The following NEBL variants were observed in gnomAD, a reference collection of about 807,000 sequenced individuals.
The protein encoded by NEBL is LIM and SH3 protein 2.
Under a neutral mutation model 140.2 loss-of-function variants are expected in NEBL, and 122 were observed. That is an observed-to-expected ratio of 0.87 (90% CI 0.75 to 1.01). NEBL has a LOEUF of 1.01. NEBL is among the 50% of genes least tolerant of loss of function. NEBL has a pLI of 0.00. For synonymous variants in NEBL, 436 were observed against 398.9 expected, an observed-to-expected ratio of 1.09 and a Z score of -1.11; for missense variants, 1,365 against 1,231.3, an observed-to-expected ratio of 1.11 and a Z score of -1.62.
chr10:21,171,349 AG>A (rs1408559493), intron 2 of NEBL, among the ~76,000 whole-genome samples: 3 of 91,790 alleles, frequency 3.3e-5, no homozygotes, highest in East Asian at 4.3e-4. Flanking sequence ...AAAAAAAAAA[AG>A]AAAAAAAAAA....
intron 26 of NEBL, among the ~76,000 whole-genome samples, chr10:20,790,090 G>A (rs1360630643): frequency 1.3e-5 from 2 of 151,976 alleles, no homozygotes; most frequent in African/African-American, 4.8e-5. Flanking sequence ...TTCTAAATGT[G>A]TATATGTTGC....
intron 2 of NEBL, among the ~76,000 whole-genome samples, chr10:21,123,217 T>A (rs1589257119): frequency 6.6e-6 from 1 of 152,228 alleles, no homozygotes; most frequent in African/African-American, 2.4e-5. Flanking sequence ...AGATTCTCAC[T>A]GTTCTAGATC....
At chr10:21,227,709 T>TC (rs1047795642) in intron 3 of NEBL, among the ~76,000 whole-genome samples, 6 of 82,414 alleles carry the variant, frequency 7.3e-5, no homozygotes, top group South Asian at 8.5e-4. Flanking sequence ...TTCTTCTTCT[T>TC]CTTTCTTCTT....
At chr10:20,950,948 T>G (rs1856762) in intron 4 of NEBL, among the ~76,000 whole-genome samples, 111,531 of 152,014 alleles carry the variant, frequency 0.73, 41,139 homozygotes, top group Admixed American at 0.82. Context: ...AAGGATGCAA[T>G]GATACAAAGC....
intron 3 of NEBL, among the ~76,000 whole-genome samples, chr10:20,981,780 T>TA (rs1158847955): frequency 6.6e-6 from 1 of 152,142 alleles, no homozygotes; most frequent in East Asian, 1.9e-4. Context: ...GACCATGAGG[T>TA]AAGCCTGCCT....
At chr10:21,246,703 G>A (rs927051344) in intron 3 of NEBL, among the ~76,000 whole-genome samples, 3 of 152,032 alleles carry the variant, frequency 2.0e-5, no homozygotes, top group Non-Finnish European at 4.4e-5. Flanking sequence ...GCGTGGTGGT[G>A]CATGCCTGTA....
At chr10:20,827,111 C>T (rs968540306) in intron 17 of NEBL, among the ~76,000 whole-genome samples, 1 of 152,136 alleles carries the variant, frequency 6.6e-6, no homozygotes, top group Non-Finnish European at 1.5e-5. Flanking sequence ...AAACCCAAAG[C>T]AGAACAAAAA....
At chr10:21,082,182 C>T (rs189392769) in intron 2 of NEBL, among the ~76,000 whole-genome samples, 7 of 152,106 alleles carry the variant, frequency 4.6e-5, no homozygotes, top group South Asian at 2.1e-4. Context: ...CACCAAGCAA[C>T]GAAGGAACTC....
chr10:21,140,815 G>A (rs894293337), intron 2 of NEBL, among the ~76,000 whole-genome samples: 4 of 152,036 alleles, frequency 2.6e-5, no homozygotes, highest in African/African-American at 9.7e-5. Flanking sequence ...AGGGGAGGGA[G>A]AGCATTAGGA....
intron 1 of NEBL, among the ~76,000 whole-genome samples, chr10:21,288,820 GTATATATATATATA>G (rs71392181): frequency 2.9e-5 from 1 of 35,026 alleles, no homozygotes; most frequent in African/African-American, 9.7e-5. Context: ...GTGTGTGTGT[GTATATATATATATA>G]TATATATATA....
chr10:20,908,091 C>G (rs962691806), intron 4 of NEBL, among the ~76,000 whole-genome samples: 1 of 152,178 alleles, frequency 6.6e-6, no homozygotes, highest in African/African-American at 2.4e-5. Context: ...AAAGGATGAT[C>G]ACTGCATGCC....
chr10:21,135,434 T>TAA (rs35676602), intron 2 of NEBL, among the ~76,000 whole-genome samples: 5 of 134,922 alleles, frequency 3.7e-5, no homozygotes, highest in East Asian at 4.2e-4. Flanking sequence ...TCAGTGGAGA[T>TAA]AAAAAAAAAA....
chr10:21,285,113 G>A (rs1304398354), intron 1 of NEBL, among the ~76,000 whole-genome samples: 5 of 152,178 alleles, frequency 3.3e-5, no homozygotes, highest in Non-Finnish European at 7.3e-5. Context: ...ATTGTTTAAA[G>A]TTTAAGTTTG....
intron 4 of NEBL, among the ~76,000 whole-genome samples, chr10:20,882,602 A>T (rs1846121952): frequency 6.6e-6 from 1 of 152,184 alleles, no homozygotes; most frequent in Admixed American, 6.5e-5. Flanking sequence ...TTTACTAAAC[A>T]TTCTTGTGAG....
At chr10:20,853,240 A>G (rs967027339) in intron 9 of NEBL, among the ~76,000 whole-genome samples, 2 of 152,220 alleles carry the variant, frequency 1.3e-5, no homozygotes, top group African/African-American at 4.8e-5. Context: ...GGGAACAGTC[A>G]GTTGAGTTTT....
chr10:20,895,215 T>A (rs1004724149), intron 2 of NEBL, among the ~76,000 whole-genome samples: 4 of 152,204 alleles, frequency 2.6e-5, no homozygotes, highest in Non-Finnish European at 4.4e-5. Flanking sequence ...ATGGTTTATG[T>A]AACACAAGTT....
intron 3 of NEBL, among the ~76,000 whole-genome samples, chr10:21,018,423 G>A (rs1838646538): frequency 6.6e-6 from 1 of 152,146 alleles, no homozygotes; most frequent in South Asian, 2.1e-4. Context: ...GGGTGTGAAT[G>A]AACAGAGGTG....
intron 3 of NEBL, among the ~76,000 whole-genome samples, chr10:20,995,183 T>C (rs1837617548): frequency 6.6e-6 from 1 of 152,130 alleles, no homozygotes; most frequent in Non-Finnish European, 1.5e-5. Context: ...GAAATGGTTA[T>C]TCCCCTCTGA....
At chr10:20,828,246 G>A (rs946859506) in intron 17 of NEBL, among the ~76,000 whole-genome samples, 11 of 152,086 alleles carry the variant, frequency 7.2e-5, no homozygotes, top group African/African-American at 2.4e-4. Context: ...AGTAAAATCT[G>A]TGTAGAAGAC....
Sources: allele counts gnomAD v4.1 joint callset (sites outside exome capture counted in the v4.1 genomes callset), GRCh38; gene constraint gnomAD v4.1.1; transcripts MANE v1.5; gene names NCBI Gene and HGNC (gene_info 2026-07-23, HGNC 2026-07-21).